The following GRID2 variants were observed in gnomAD, a reference collection of about 807,000 sequenced individuals.
GRID2 encodes glutamate ionotropic receptor delta type subunit 2, also known as glutamate receptor ionotropic, delta-2.
GRID2 carries 33 observed loss-of-function variants against 114.8 expected under a neutral mutation model. The ratio of observed to expected loss-of-function variants is 0.29; its 90% CI spans 0.22 to 0.38. GRID2 has a LOEUF of 0.38. GRID2 is among the 10% of genes least tolerant of loss of function. GRID2 has a pLI of 1.00. For missense variants in GRID2, 1,184 were observed against 1,257.7 expected, an observed-to-expected ratio of 0.94 and a Z score of 0.89; for synonymous variants, 505 against 449.9, an observed-to-expected ratio of 1.12 and a Z score of -1.55.
intron 2 of GRID2, among the ~76,000 whole-genome samples, chr4:93,060,546 A>C (rs904057510): frequency 6.6e-6 from 1 of 152,160 alleles, no homozygotes; most frequent in South Asian, 2.1e-4. Context: ...AATAGCATTT[A>C]TGTTAACTTG....
chr4:92,595,189 T>C (rs1446858873), intron 2 of GRID2, among the ~76,000 whole-genome samples: 1 of 151,978 alleles, frequency 6.6e-6, no homozygotes, highest in African/African-American at 2.4e-5. Flanking sequence ...ATGATTCTGT[T>C]TGAAAGAAAA....
At chr4:93,648,717 C>T (rs557461066) in intron 14 of GRID2, among the ~76,000 whole-genome samples, 6 of 152,150 alleles carry the variant, frequency 3.9e-5, no homozygotes, top group South Asian at 2.1e-4. Context: ...TAACAAGTTC[C>T]AGGTGATGCT....
chr4:92,721,975 T>C (rs966692341), intron 2 of GRID2, among the ~76,000 whole-genome samples: 2 of 152,124 alleles, frequency 1.3e-5, no homozygotes, highest in African/African-American at 4.8e-5. Flanking sequence ...TGTATCTCTA[T>C]CACCTGCAGG....
At chr4:93,624,553 G>A (rs1305333884) in intron 13 of GRID2, among the ~76,000 whole-genome samples, 3 of 151,934 alleles carry the variant, frequency 2.0e-5, no homozygotes, top group Non-Finnish European at 4.4e-5. Context: ...ATTTTGCCAA[G>A]TATCTTTCTT....
intron 2 of GRID2, among the ~76,000 whole-genome samples, chr4:92,825,984 A>G (rs1420253707): frequency 6.6e-6 from 1 of 152,156 alleles, no homozygotes; most frequent in African/African-American, 2.4e-5. Flanking sequence ...GCACTCCTTC[A>G]GTGAGTACTC....
At chr4:92,983,114 G>A (rs1754317973) in intron 2 of GRID2, among the ~76,000 whole-genome samples, 1 of 152,072 alleles carries the variant, frequency 6.6e-6, no homozygotes, top group Admixed American at 6.6e-5. Flanking sequence ...TCTGGGAGTG[G>A]ATGGAGAAGA....
intron 14 of GRID2, among the ~76,000 whole-genome samples, chr4:93,720,325 T>C (rs1455808619): frequency 6.6e-6 from 1 of 152,190 alleles, no homozygotes; most frequent in African/African-American, 2.4e-5. Flanking sequence ...ACCAAGGTCT[T>C]AGATGGTCCA....
At chr4:92,390,506 T>C (rs1200379502) in intron 1 of GRID2, among the ~76,000 whole-genome samples, 1 of 152,158 alleles carries the variant, frequency 6.6e-6, no homozygotes, top group African/African-American at 2.4e-5. Flanking sequence ...GGGAGGTTAA[T>C]AGAATGGATC....
intron 8 of GRID2, among the ~76,000 whole-genome samples, chr4:93,366,829 CG>C (rs1187144297): frequency 6.6e-6 from 1 of 151,956 alleles, no homozygotes; most frequent in African/African-American, 2.4e-5. Context: ...ACATGAATAT[CG>C]GGGCAATTCC....
At chr4:92,997,854 A>T (rs1755295903) in intron 2 of GRID2, among the ~76,000 whole-genome samples, 1 of 152,018 alleles carries the variant, frequency 6.6e-6, no homozygotes, top group South Asian at 2.1e-4. Context: ...AGAAAATCTA[A>T]CTCTTAGTGG....
At chr4:93,782,618 A>T (rs1226515546) in intron 1 of GRID2, among the ~76,000 whole-genome samples, 1 of 152,172 alleles carries the variant, frequency 6.6e-6, no homozygotes, top group Non-Finnish European at 1.5e-5. Context: ...TAGAAAGATG[A>T]CTTAGATTTT....
chr4:92,562,759 C>A (rs903698745), intron 1 of GRID2, among the ~76,000 whole-genome samples: 1 of 152,150 alleles, frequency 6.6e-6, no homozygotes. Context: ...ATCTATGATG[C>A]CTGCCTCACA....
At chr4:92,573,455 A>G (rs1449750540) in intron 1 of GRID2, among the ~76,000 whole-genome samples, 2 of 152,116 alleles carry the variant, frequency 1.3e-5, no homozygotes, top group African/African-American at 2.4e-5. Context: ...AGTTAGTGCT[A>G]TAAATTTCCC....
In GRID2 at chr4:92,734,115, T is replaced by G. The variant is rs1412618055; in HGVS notation, c.244+143829T>G. Among the ~76,000 whole-genome samples the G allele has an allele frequency of 6.7e-4, 102 of 152,114 alleles. 1 individual carries two copies. The highest frequency in any genetic ancestry group is 1.2e-4 in the Non-Finnish European group (8 of 68,014). The stretch of plus-strand genomic sequence containing the variant: ...AATAAACAGTTGCTTTGTAATTTAT[T>G]TTTACATGTTTCTATCAGCCCTTAG... On this transcript the variant is annotated intron_variant, in intron 2 of 15. Coordinates refer to ENST00000282020, the MANE Select transcript of GRID2 (RefSeq NM_001510.4).
At chr4:93,159,990 T>C (rs1245058674) in intron 4 of GRID2, among the ~76,000 whole-genome samples, 1 of 151,812 alleles carries the variant, frequency 6.6e-6, no homozygotes, top group African/African-American at 2.4e-5. Context: ...TCAGTTGTTA[T>C]CCTAGAATGT....
chr4:93,044,447 G>A (rs1442587356), intron 2 of GRID2, among the ~76,000 whole-genome samples: 2 of 151,740 alleles, frequency 1.3e-5, no homozygotes, highest in East Asian at 1.9e-4. Flanking sequence ...TCAGAACCAC[G>A]TTCAAATATA....
Position 92,924,087 on chromosome 4 carries a change from G to A in GRID2, c.245-160908G>A, listed in dbSNP as rs180772313. Among the ~76,000 whole-genome samples the A allele has an allele frequency of 9.6e-3, 1,460 of 152,166 alleles. 13 individuals are homozygous for A. The highest frequency in any genetic ancestry group is 0.013 in the Non-Finnish European group (892 of 67,994). ...TGCAGCCATAAAAAAGGATAAGTTC[G>A]TGTCCTTTGTAGGGACATGGATGAA... On this transcript the variant is annotated intron_variant, in intron 2 of 15. Coordinates refer to ENST00000282020, the MANE Select transcript of GRID2 (RefSeq NM_001510.4).
intron 1 of GRID2, among the ~76,000 whole-genome samples, chr4:92,515,947 T>C (rs1279753132): frequency 2.0e-5 from 3 of 151,940 alleles, no homozygotes; most frequent in Non-Finnish European, 2.9e-5. Flanking sequence ...ATAGTCAGGC[T>C]CATATGGAGA....
chr4:92,339,520 A>G (rs531728227), intron 1 of GRID2, among the ~76,000 whole-genome samples: 138 of 151,488 alleles, frequency 9.1e-4, no homozygotes, highest in Non-Finnish European at 1.3e-3. Flanking sequence ...CATATTTCAT[A>G]CATTATTATG....
Sources: gnomAD v4.1 joint callset for allele counts (sites outside exome capture counted in the v4.1 genomes callset) on GRCh38, gnomAD v4.1.1 for gene constraint, MANE v1.5 for transcripts, NCBI Gene and HGNC (gene_info 2026-07-23, HGNC 2026-07-21) for gene names.